Variants in KCTD16 observed in about 807,000 individuals in gnomAD.
The protein encoded by KCTD16 is BTB/POZ domain-containing protein KCTD16.
KCTD16 carries 13 observed loss-of-function variants against 33.2 expected under a neutral mutation model. The ratio of observed to expected loss-of-function variants is 0.39; its 90% CI spans 0.25 to 0.62. The LOEUF (loss-of-function observed/expected upper bound fraction) is 0.62, where lower values mean the gene tolerates loss of function less well. Among genes scored for constraint, KCTD16 ranks in the 20% least tolerant of loss-of-function variants. The pLI is 0.50. For missense variants in KCTD16, 441 were observed against 525.1 expected (o/e 0.84, Z 1.57); for synonymous variants, 197 against 195.3 (o/e 1.01, Z -0.07).
At chr5:144,240,592 T>C (rs765015942) in intron 3 of KCTD16, among the ~76,000 whole-genome samples, 9 of 152,168 alleles carry the variant, frequency 5.9e-5, no homozygotes, top group African/African-American at 7.2e-5. Context: ...TTTTCACAAA[T>C]GTTTCCGCTA....
intron 3 of KCTD16, among the ~76,000 whole-genome samples, chr5:144,306,348 A>G (rs1751603094): frequency 6.6e-6 from 1 of 152,186 alleles, no homozygotes; most frequent in African/African-American, 2.4e-5. Context: ...ATGCTAGGAA[A>G]ACTTACCAGA....
At chr5:144,266,375 CAA>C (rs917735617) in intron 3 of KCTD16, among the ~76,000 whole-genome samples, 14 of 151,966 alleles carry the variant, frequency 9.2e-5, no homozygotes, top group African/African-American at 3.4e-4. Context: ...CAGCTGTAGC[CAA>C]AGAGAGCCTA....
At chr5:144,412,883 C>G (rs930976150) in intron 3 of KCTD16, among the ~76,000 whole-genome samples, 2 of 152,046 alleles carry the variant, frequency 1.3e-5, no homozygotes, top group African/African-American at 4.8e-5. Flanking sequence ...GAGAGAGACC[C>G]TGTCTCAAAT....
chr5:144,431,924 T>A (rs1021736160), intron 3 of KCTD16, among the ~76,000 whole-genome samples: 3 of 152,138 alleles, frequency 2.0e-5, no homozygotes, highest in East Asian at 3.9e-4. Context: ...AAACCATGTG[T>A]CTTAGGAATC....
At chr5:144,467,492 C>T (rs1342163199) in intron 3 of KCTD16, among the ~76,000 whole-genome samples, 1 of 152,150 alleles carries the variant, frequency 6.6e-6, no homozygotes, top group Non-Finnish European at 1.5e-5. Flanking sequence ...CAAGCACATC[C>T]CTTGCAGTCT....
intron 3 of KCTD16, among the ~76,000 whole-genome samples, chr5:144,274,589 T>C (rs1253023628): frequency 1.3e-5 from 2 of 152,200 alleles, no homozygotes; most frequent in African/African-American, 4.8e-5. Flanking sequence ...TAAGTGATGA[T>C]GGTGAGCAGT....
At chr5:144,411,753 T>A (rs1594053) in intron 3 of KCTD16, among the ~76,000 whole-genome samples, 2 of 152,142 alleles carry the variant, frequency 1.3e-5, no homozygotes, top group East Asian at 1.9e-4. Flanking sequence ...AGACAATCCA[T>A]GTAATGGGAA....
intron 3 of KCTD16, among the ~76,000 whole-genome samples, chr5:144,400,189 G>T (rs1401223160): frequency 6.6e-6 from 1 of 152,198 alleles, no homozygotes; most frequent in Non-Finnish European, 1.5e-5. Context: ...GGTGCCTGCT[G>T]GACAGAGGAA....
intron 3 of KCTD16, among the ~76,000 whole-genome samples, chr5:144,469,301 T>C (rs1754418076): frequency 6.6e-6 from 1 of 152,200 alleles, no homozygotes. Context: ...TATGCGCTTG[T>C]GGTCACTCAC....
intron 3 of KCTD16, among the ~76,000 whole-genome samples, chr5:144,377,535 C>A (rs139450240): frequency 3.3e-5 from 5 of 152,214 alleles, no homozygotes; most frequent in African/African-American, 1.2e-4. Context: ...GTCCACAGAC[C>A]AGCAGTTTAT....
At chr5:144,218,755 G>A (rs1192829340) in intron 3 of KCTD16, among the ~76,000 whole-genome samples, 1 of 152,082 alleles carries the variant, frequency 6.6e-6, no homozygotes. Flanking sequence ...GATTTACCTT[G>A]CTAATCTCAT....
intron 3 of KCTD16, among the ~76,000 whole-genome samples, chr5:144,288,538 A>G (rs182069167): frequency 2.8e-4 from 43 of 152,326 alleles, no homozygotes; most frequent in African/African-American, 1.0e-3. Flanking sequence ...GGTATATCAC[A>G]TACTTCAGAT....
At chr5:144,438,424 G>T (rs931278213) in intron 3 of KCTD16, among the ~76,000 whole-genome samples, 1 of 152,196 alleles carries the variant, frequency 6.6e-6, no homozygotes, top group African/African-American at 2.4e-5. Context: ...GAGCATACGT[G>T]TTGACTCTGT....
chr5:144,194,680 A>C (rs1752908403), intron 2 of KCTD16, among the ~76,000 whole-genome samples: 1 of 152,220 alleles, frequency 6.6e-6, no homozygotes, highest in Non-Finnish European at 1.5e-5. Flanking sequence ...CTGTATGGGA[A>C]GTACAATTAT....
intron 3 of KCTD16, among the ~76,000 whole-genome samples, chr5:144,392,827 C>G (rs140949478): frequency 2.0e-5 from 3 of 152,166 alleles, no homozygotes; most frequent in Non-Finnish European, 4.4e-5. Context: ...GAAACACATG[C>G]GCACGTGAAG....
chr5:144,403,559 A>T, intron 3 of KCTD16, among the ~76,000 whole-genome samples: 1 of 152,188 alleles, frequency 6.6e-6, no homozygotes, highest in East Asian at 1.9e-4. Context: ...TCTCCCTCTG[A>T]GGCTGCCAAG....
intron 3 of KCTD16, among the ~76,000 whole-genome samples, chr5:144,366,642 T>C (rs555503684): frequency 1.3e-5 from 2 of 152,174 alleles, no homozygotes; most frequent in Non-Finnish European, 2.9e-5. Flanking sequence ...GGTGGTCTTT[T>C]AAGCATAATC....
chr5:144,202,946 A>G (rs374517698), intron 2 of KCTD16, among the ~76,000 whole-genome samples: 2 of 152,154 alleles, frequency 1.3e-5, no homozygotes, highest in East Asian at 3.9e-4. Context: ...AATTCTGCTT[A>G]TGTGAATCAT....
At chr5:144,242,937 T>C (rs1173433776) in intron 3 of KCTD16, among the ~76,000 whole-genome samples, 1 of 152,190 alleles carries the variant, frequency 6.6e-6, no homozygotes, top group African/African-American at 2.4e-5. Flanking sequence ...GGGATAAATA[T>C]CTAAATCATA....
Sources: gnomAD v4.1 joint callset for allele counts (sites outside exome capture counted in the v4.1 genomes callset) on GRCh38, gnomAD v4.1.1 for gene constraint, MANE v1.5 for transcripts, NCBI Gene and HGNC (gene_info 2026-07-23, HGNC 2026-07-21) for gene names.